Variants in PTGIR observed in about 807,000 individuals in gnomAD.
The protein encoded by PTGIR is prostacyclin receptor.
PTGIR carries 16 observed loss-of-function variants against 17.6 expected under a neutral mutation model. The ratio of observed to expected loss-of-function variants is 0.91; its 90% CI spans 0.61 to 1.38. The LOEUF (loss-of-function observed/expected upper bound fraction) is 1.38. Ranked by LOEUF, PTGIR falls within the 40% of genes most tolerant of loss-of-function variation. The pLI, the probability that PTGIR is intolerant of heterozygous loss-of-function variation, is 0.00. For missense variants in PTGIR, 532 were observed against 548.6 expected (o/e 0.97, Z 0.30); for synonymous variants, 274 against 255.4 (o/e 1.07, Z -0.69).
chr19:46,611,929 G>A, the PTGIR span, among the ~76,000 whole-genome samples: 1 of 152,266 alleles, frequency 6.6e-6, no homozygotes, highest in African/African-American at 2.4e-5. Flanking sequence ...CCACTCATCT[G>A]CACTTGGCCT....
the PTGIR span, among the ~76,000 whole-genome samples, chr19:46,612,256 G>A: frequency 6.6e-6 from 1 of 152,238 alleles, no homozygotes; most frequent in East Asian, 1.9e-4. Context: ...ATGCCTTAGA[G>A]TTTCTGGACC....
Position 46,621,984 on chromosome 19 carries a change from C to T in PTGIR, c.769-312G>A, listed in dbSNP as rs2052734071. 1 of 985,392 alleles carries T rather than the reference C, an allele frequency of 1.0e-6. No homozygotes were observed. Among genetic ancestry groups the T allele is most frequent in the Non-Finnish European group, 1.2e-6 (1 of 829,926 alleles). 61.0% of individuals were successfully genotyped at this position (985,392 alleles called of 1,614,324 possible). A position where few individuals can be genotyped will look rare whatever the true frequency, so the allele number is the denominator to read the frequency against. On this transcript the variant is annotated intron_variant, in intron 2 of 2. Coordinates refer to ENST00000291294, the MANE Select transcript of PTGIR (RefSeq NM_000960.4). This position sits in a 1 kb window ranked among gnomAD's most constrained non-coding sequence, Gnocchi z 4.8. ...CGTCCCTGCAAGAAGGTGGCGCCACCCGGCTGGGCCCCCTGAAACTGCCGC... is the reference window on the plus strand; with the variant it reads ...CGTCCCTGCAAGAAGGTGGCGCCACTCGGCTGGGCCCCCTGAAACTGCCGC...
chr19:46,615,667 G>A (rs954695622), downstream of PTGIR, among the ~76,000 whole-genome samples: 4 of 150,948 alleles, frequency 2.6e-5, no homozygotes, highest in Admixed American at 6.6e-5. Context: ...CACCACGCCC[G>A]GCTAATTTTT....
the PTGIR span, among the ~76,000 whole-genome samples, chr19:46,611,992 G>A: frequency 6.6e-6 from 1 of 152,234 alleles, no homozygotes; most frequent in Non-Finnish European, 1.5e-5. Flanking sequence ...GTGGCAGAGA[G>A]ATCAGGCCTC....
the PTGIR span, among the ~76,000 whole-genome samples, chr19:46,615,432 CTG>C: frequency 6.6e-6 from 1 of 152,198 alleles, no homozygotes; most frequent in East Asian, 1.9e-4. Context: ...CGAGGGATGA[CTG>C]TCTATATTTT....
chr19:46,619,662 G>GAAAGAAAAGAAAAGA (rs1972030563), downstream of PTGIR, among the ~76,000 whole-genome samples: 15 of 128,516 alleles, frequency 1.2e-4, no homozygotes, highest in Admixed American at 3.0e-4. Context: ...AGAAAAGAAA[G>GAAAGAAAAGAAAAGA]AAAGAAAGAA....
chr19:46,623,489 A>C lies in PTGIR; in HGVS notation c.737T>G (p.Val246Gly). Residue 246 changes from valine to glycine, a missense_variant, in exon 2 of 3, where the codon GTG becomes GGG. Physicochemically the swap from Val to Gly is moderately radical, Grantham distance 109. Transcript: ENST00000291294. ...AGGCAGGGAGCACACGGCCATGACCACTGTCATGAGGGCCAGCAGGATCAG... is the reference window on the plus strand; with the variant it reads ...AGGCAGGGAGCACACGGCCATGACCCCTGTCATGAGGGCCAGCAGGATCAG... ...DHLILLALMTVVMAVCSLPLT... is the reference protein window; with the variant it reads ...DHLILLALMTGVMAVCSLPLT... The C allele has an allele frequency of 1.3e-6, 2 of 1,579,226 alleles. No homozygotes were observed. The highest frequency in any genetic ancestry group is 1.7e-6 in the Non-Finnish European group (2 of 1,161,660).
Position 46,623,979 on chromosome 19 carries a change from C to G in PTGIR, c.247G>C (p.Gly83Arg). The G allele has an allele frequency of 6.4e-7, 1 of 1,568,618 alleles. No individual in the cohort carries two copies. Among genetic ancestry groups the G allele is most frequent in the Non-Finnish European group, 8.6e-7 (1 of 1,156,378 alleles). ...VAYARNSSLL[G>R]LARGGPALCD... ...AGGGCGGGGCCGCCTCGGGCCAGGC[C>G]CAGCAGGGAGCTGTTGCGCGCATAG... The change falls in exon 2 of 3, where the codon GGC (glycine) becomes CGC (arginine). Residue 83 changes from glycine to arginine, a missense_variant. By Grantham distance (125) the Gly-to-Arg change is moderately radical. Coordinates refer to ENST00000291294, the MANE Select transcript of PTGIR (RefSeq NM_000960.4).
downstream of PTGIR, among the ~76,000 whole-genome samples, chr19:46,619,050 G>A (rs79921822): frequency 4.6e-5 from 7 of 152,082 alleles, no homozygotes; most frequent in Non-Finnish European, 5.9e-5. Flanking sequence ...CCCCAAAGCC[G>A]CCATGCAAGC....
chr19:46,623,651 A>G lies in PTGIR; in HGVS notation c.575T>C (p.Val192Ala). The change falls in exon 2 of 3, where the codon GTG (valine) becomes GCG (alanine). Residue 192 changes from valine to alanine, a missense_variant. Physicochemically the swap from Val to Ala is moderately conservative, Grantham distance 64. Transcript: ENST00000291294. ...GAAGATGGCAGCCACCAGCAGGGCC[A>G]CCAGGCCGGCGTAGGCCAGCGAGAA... ...AAFSLAYAGL[V>A]ALLVAAIFLC... 6.5e-7 allele frequency: 1 copy of G among 1,549,438 alleles called. No individual in the cohort carries two copies. Among genetic ancestry groups the G allele is most frequent in the Non-Finnish European group, 8.7e-7 (1 of 1,148,786 alleles).
chr19:46,623,845 G>A lies in PTGIR; in HGVS notation c.381C>T (p.Tyr127=), dbSNP rs201651188. The A allele has an allele frequency of 3.8e-4, 605 of 1,609,350 alleles. 3 individuals carry two copies. In the African/African-American group the frequency reaches 6.8e-3, roughly 18 times the overall value. Residue 127 remains tyrosine, a synonymous_variant, in exon 2 of 3, where the codon TAC becomes TAT. Transcript: ENST00000291294. ...CGCAGCGGGGCCCGTCCAGCTGCGC[G>A]TAGAGGTAGGGGTGGCTCAGCGCCA... The part of the protein sequence containing the change: ...RCLALSHPYL[Y]AQLDGPRCAR...
In PTGIR at chr19:46,623,863, C is replaced by G. The variant is rs1485816594; in HGVS notation, c.363G>C (p.Leu121=). The G allele has an allele frequency of 1.2e-6, 2 of 1,609,934 alleles. No homozygotes were observed. The highest frequency in any genetic ancestry group is 4.5e-5 in the East Asian group (2 of 44,816). ...GCTGCGCGTAGAGGTAGGGGTGGCT[C>G]AGCGCCAGGCAGCGCTCCACGGCCA... is the stretch of plus-strand genomic sequence containing the variant. ...FAMAVERCLA[L]SHPYLYAQLD... The change falls in exon 2 of 3, where the codon CTG becomes CTC. Residue 121 remains leucine (L), a synonymous_variant. Transcript: ENST00000291294.
chr19:46,622,247 G>C, intron 2 of PTGIR: 1 of 985,426 alleles, frequency 1.0e-6, no homozygotes, highest in South Asian at 4.7e-5. Context: ...GCAGGAAACC[G>C]AGGTGCAGAG....
intron 1 of PTGIR, 53 bp from the exon 2 acceptor site, chr19:46,624,290 C>T (rs2052776563): frequency 7.2e-7 from 1 of 1,396,580 alleles, no homozygotes; most frequent in Non-Finnish European, 9.3e-7. Flanking sequence ...ACCCCCACCA[C>T]CCAGCCCACT....
chr19:46,621,484 C>T lies in PTGIR; in HGVS notation c.957G>A (p.Ser319=), dbSNP rs199519315. 6.2e-6 allele frequency: 10 copies of T among 1,614,116 alleles called. No homozygotes were observed. In the South Asian group the frequency reaches 8.8e-5, roughly 14 times the overall value. The change falls in exon 3 of 3, where the codon TCG becomes TCA. Residue 319 remains serine, a synonymous_variant. Coordinates refer to ENST00000291294, the MANE Select transcript of PTGIR (RefSeq NM_000960.4). The surrounding 1 kb of genome is among the most constrained non-coding windows in gnomAD (Gnocchi z 4.8). ...CLCLGPAHGD[S]QTPLSQLASG... is the part of the protein sequence containing the mutation. The stretch of plus-strand genomic sequence containing the variant: ...AGGCGAGCTGGGAAAGGGGTGTCTG[C>T]GAGTCTCCGTGGGCAGGCCCGAGGC...
At chr19:46,613,532 G>C in the PTGIR span, among the ~76,000 whole-genome samples, 1 of 151,732 alleles carries the variant, frequency 6.6e-6, no homozygotes. Context: ...GGGTTTCACC[G>C]TGTTGCCCAG....
downstream of PTGIR, among the ~76,000 whole-genome samples, chr19:46,619,657 A>G (rs57047352): frequency 0.037 from 4,298 of 114,962 alleles, 90 homozygotes; most frequent in Middle Eastern, 0.088. Context: ...AAGAAAGAAA[A>G]GAAAGAAAGA....
At chr19:46,617,337 T>C (rs1489708305), downstream of PTGIR, among the ~76,000 whole-genome samples, 4 of 151,566 alleles carry the variant, frequency 2.6e-5, no homozygotes, top group South Asian at 2.1e-4. Context: ...CTAGGAGGAG[T>C]TTCCAAATCA....
chr19:46,610,970 C>G, the PTGIR span, among the ~76,000 whole-genome samples: 2 of 152,138 alleles, frequency 1.3e-5, no homozygotes, highest in Non-Finnish European at 1.5e-5. Flanking sequence ...CCAGCTAGAT[C>G]GCAGGGTCAT....
Sources: allele counts gnomAD v4.1 joint callset (sites outside exome capture counted in the v4.1 genomes callset), GRCh38; gene constraint gnomAD v4.1.1; non-coding constraint Gnocchi (gnomAD v3.1); transcripts MANE v1.5; gene names NCBI Gene and HGNC (gene_info 2026-07-23, HGNC 2026-07-21).